ITPRIP: variants seen among roughly 807,000 people sequenced by gnomAD.
ITPRIP encodes the protein inositol 1,4,5-trisphosphate receptor interacting protein, also known as inositol 1,4,5-trisphosphate receptor-interacting protein.
In ITPRIP, 32 loss-of-function variants were observed where a neutral mutation model predicts 35.8. The ratio of observed to expected loss-of-function variants is 0.89; its 90% CI spans 0.68 to 1.20. ITPRIP has a LOEUF of 1.20. ITPRIP is among the 50% of genes most tolerant of loss of function. The pLI, the probability that ITPRIP is intolerant of heterozygous loss-of-function variation, is 0.00. For missense variants in ITPRIP, 653 were observed against 735.6 expected (o/e 0.89, Z 1.30); for synonymous variants, 358 against 324.0 (o/e 1.11, Z -1.13).
chr10:104,325,151 C>T (rs1383533629), intron 1 of ITPRIP, among the ~76,000 whole-genome samples: 2 of 152,152 alleles, frequency 1.3e-5, no homozygotes, highest in Non-Finnish European at 2.9e-5. Context: ...GCCCGGGAGG[C>T]GGAGGTCACA....
intron 1 of ITPRIP, among the ~76,000 whole-genome samples, chr10:104,320,500 T>C (rs2013817280): frequency 6.6e-6 from 1 of 152,006 alleles, no homozygotes; most frequent in Non-Finnish European, 1.5e-5. Context: ...AACTAACATA[T>C]TCCTTACACA....
Position 104,312,506 on chromosome 10 carries a change from A to G in ITPRIP, c.*1902T>C. On this transcript the variant is annotated 3_prime_UTR_variant, in exon 2 of 2. Transcript: ENST00000337478. The stretch of plus-strand genomic sequence containing the variant: ...TGCATCTGATGGAATGAGGAGGGTC[A>G]GGCTGTGAGGGATTGGGGGTAGCTC... The G allele has an allele frequency of 2.5e-6, 1 of 407,980 alleles. No individual in the cohort carries two copies. Among genetic ancestry groups the G allele is most frequent in the Non-Finnish European group, 3.3e-6 (1 of 301,768 alleles). The allele number at this position is 407,980 out of a possible 1,614,324, so 25.3% of individuals were successfully genotyped here.
chr10:104,315,122 T>G lies in ITPRIP; in HGVS notation c.930A>C (p.Arg310Ser), dbSNP rs765875648. 6.2e-7 allele frequency: 1 copy of G among 1,614,060 alleles called. No homozygotes were observed. Among genetic ancestry groups the G allele is most frequent in the South Asian group, 1.1e-5 (1 of 91,082 alleles). The change falls in exon 2 of 2, where the codon AGA (arginine) becomes AGC (serine). Residue 310 changes from arginine to serine, a missense_variant. By Grantham distance (110) the Arg-to-Ser change is moderately radical. Coordinates refer to ENST00000337478, the MANE Select transcript of ITPRIP (RefSeq NM_001272013.2). The surrounding 1 kb of genome is among the most constrained non-coding windows in gnomAD (Gnocchi z 5.7). ...VMKWFQTALTRAWKGIAHKYE... is the reference protein window; with the variant it reads ...VMKWFQTALTSAWKGIAHKYE... ...ACTTGTGGGCGATGCCCTTCCAGGC[T>G]CTGGTGAGGGCCGTCTGGAACCACT... is the stretch of plus-strand genomic sequence containing the variant.
rs773308164 is a variant in ITPRIP, at chr10:104,315,475, C to T, written c.577G>A (p.Val193Met). 21 of 1,613,742 alleles carry T rather than the reference C, an allele frequency of 1.3e-5. No individual in the cohort carries two copies. The highest frequency in any genetic ancestry group is 4.0e-5 in the African/African-American group (3 of 74,944). Residue 193 changes from valine (V) to methionine (M), a missense_variant, in exon 2 of 2, where the codon GTG becomes ATG. Coordinates refer to ENST00000337478, the MANE Select transcript of ITPRIP (RefSeq NM_001272013.2). This position sits in a 1 kb window ranked among gnomAD's most constrained non-coding sequence, Gnocchi z 5.7. ...TGCCAGTTCTCGTACATGCTGTCCA[C>T]GCCAATGAAGTCCTCCACCTCCATG... is the stretch of plus-strand genomic sequence containing the variant. Reference protein sequence around the residue: ...TDMEVEDFIGVDSMYENWQVD... With the variant: ...TDMEVEDFIGMDSMYENWQVD...
At position 104,313,700 on chromosome 10, in the gene ITPRIP, G is replaced by A. The variant is rs2013548594; in HGVS notation, c.*708C>T. ...GGACAGCAGAAGGGGGTGCACCTGAGTGAGAAGTGTAGGGTGCAGCTGAGT... is the reference window on the plus strand; with the variant it reads ...GGACAGCAGAAGGGGGTGCACCTGAATGAGAAGTGTAGGGTGCAGCTGAGT... On this transcript the variant is annotated 3_prime_UTR_variant, in exon 2 of 2. Transcript: ENST00000337478. The A allele has an allele frequency of 1.0e-6, 1 of 985,330 alleles. No individual in the cohort carries two copies. 61.0% of individuals were successfully genotyped at this position (985,330 alleles called of 1,614,324 possible).
intron 1 of ITPRIP, among the ~76,000 whole-genome samples, chr10:104,329,089 ACACT>A (rs1183452740): frequency 6.6e-6 from 1 of 151,858 alleles, no homozygotes; most frequent in Non-Finnish European, 1.5e-5. Context: ...ACGCACACAC[ACACT>A]CTCCCTGCAA....
In ITPRIP at chr10:104,325,713, C is replaced by T. The variant is rs562904709; in HGVS notation, c.-13-9649G>A. 5.5e-4 allele frequency among the ~76,000 whole-genome samples: 84 copies of T among 152,330 alleles called. 5 individuals are homozygous for T. The South Asian group carries it at 0.017, about 31-fold the overall frequency. On this transcript the variant is annotated intron_variant, in intron 1 of 1. Coordinates refer to ENST00000337478, the MANE Select transcript of ITPRIP (RefSeq NM_001272013.2). The stretch of plus-strand genomic sequence containing the variant: ...TTCGAGTGGGTGGAACCGGGCACCC[C>T]GAGTCCAGCCAGCGTGTGCACACGC...
chr10:104,316,096 G>C (rs1229376952), intron 1 of ITPRIP, 32 bp from the exon 2 acceptor site: 1 of 1,502,224 alleles, frequency 6.7e-7, no homozygotes, highest in East Asian at 2.3e-5. Flanking sequence ...GTCACACCAA[G>C]CTTCCCTCAA....
chr10:104,337,093 C>A (rs1249195674), intron 1 of ITPRIP, among the ~76,000 whole-genome samples: 5 of 152,140 alleles, frequency 3.3e-5, no homozygotes, highest in African/African-American at 9.7e-5. Context: ...GGAGGGAGGA[C>A]TCAAAAACAC....
chr10:104,334,977 G>C (rs1002536394), intron 1 of ITPRIP, among the ~76,000 whole-genome samples: 1 of 152,216 alleles, frequency 6.6e-6, no homozygotes, highest in African/African-American at 2.4e-5. Context: ...GGGTGAATCA[G>C]TAGCTTGAGT....
chr10:104,336,427 C>CA (rs2014233997), intron 1 of ITPRIP, among the ~76,000 whole-genome samples: 1 of 149,530 alleles, frequency 6.7e-6, no homozygotes, highest in African/African-American at 2.5e-5. Context: ...GGCAGACTCT[C>CA]AACTCGAAAC....
At chr10:104,322,188 T>C (rs276228) in intron 1 of ITPRIP, among the ~76,000 whole-genome samples, 16,604 of 152,064 alleles carry the variant, frequency 0.11, 2,002 homozygotes, top group African/African-American at 0.3. Flanking sequence ...AGTGTGCAAC[T>C]CCTTGGCTCC....
rs906412278 is a variant in ITPRIP at position 104,310,516 on chromosome 10, T to A, written c.*3892A>T. The A allele has an allele frequency of 6.6e-6, 1 of 152,162 alleles. No homozygotes were observed. Among genetic ancestry groups the A allele is most frequent in the Non-Finnish European group, 1.5e-5 (1 of 68,024 alleles). The allele number at this position is 152,162 out of a possible 1,614,324, so 9.4% of individuals were successfully genotyped here. ...TATATGCCAACATGTACACCAGGAC[T>A]GCCTGGGTTGGAATCTGGGCTGTGC... is the stretch of plus-strand genomic sequence containing the variant. On this transcript the variant is annotated 3_prime_UTR_variant, in exon 2 of 2. Transcript: ENST00000337478.
intron 1 of ITPRIP, among the ~76,000 whole-genome samples, chr10:104,332,452 G>A (rs2014167290): frequency 6.6e-6 from 1 of 152,156 alleles, no homozygotes; most frequent in South Asian, 2.1e-4. Context: ...TCAAGTGGAA[G>A]GACAAGGCGA....
rs1312557752 is a variant in ITPRIP, at chr10:104,312,068, C to T, written c.*2340G>A. On this transcript the variant is annotated 3_prime_UTR_variant, in exon 2 of 2. Transcript: ENST00000337478. ...CTTTGTCAATAGGAAATCCACCCCC[C>T]TGTCCCCAACTCTGCCCTGGGAGCC... The T allele has an allele frequency of 2.0e-5, 3 of 152,208 alleles. No individual in the cohort carries two copies. The highest frequency in any genetic ancestry group is 7.2e-5 in the African/African-American group (3 of 41,464). 9.4% of individuals were successfully genotyped at this position (152,208 alleles called of 1,614,324 possible). A position where few individuals can be genotyped will look rare whatever the true frequency, so the allele number is the denominator to read the frequency against.
intron 1 of ITPRIP, among the ~76,000 whole-genome samples, chr10:104,324,771 C>G (rs1158889656): frequency 6.6e-6 from 1 of 152,238 alleles, no homozygotes; most frequent in African/African-American, 2.4e-5. Context: ...ATGGCACATG[C>G]TTCGTCTGAA....
At position 104,315,433 on chromosome 10, in the gene ITPRIP, G is replaced by A; in HGVS notation, c.619C>T (p.Leu207=). 1 of 1,604,016 alleles carries A rather than the reference G, an allele frequency of 6.2e-7. No homozygotes were observed. Among genetic ancestry groups the A allele is most frequent in the Non-Finnish European group, 8.5e-7 (1 of 1,173,404 alleles). Residue 207 remains leucine, a synonymous_variant, in exon 2 of 2, where the codon CTG becomes TTG. Transcript: ENST00000337478. The surrounding 1 kb of genome is among the most constrained non-coding windows in gnomAD (Gnocchi z 5.7). ...YENWQVDRPL[L]CHLFVPFTPP... Reference sequence around the variant, plus strand: ...GTGAAGGGCACGAAAAGGTGGCACAGCAGTGGCCTGTCCACCTGCCAGTTC... The same window carrying A: ...GTGAAGGGCACGAAAAGGTGGCACAACAGTGGCCTGTCCACCTGCCAGTTC...
Position 104,314,238 on chromosome 10 carries a change from T to G in ITPRIP, c.*170A>C. ...TGGTATGAAGCAAACCAGCTTCCCG[T>G]TGAAATTCTGTTTCCTCTGCACTGT... On this transcript the variant is annotated 3_prime_UTR_variant, in exon 2 of 2. Transcript: ENST00000337478. 7.0e-7 allele frequency: 1 copy of G among 1,430,968 alleles called. No individual in the cohort carries two copies. Among genetic ancestry groups the G allele is most frequent in the Non-Finnish European group, 9.1e-7 (1 of 1,095,034 alleles). 88.6% of individuals were successfully genotyped at this position (1,430,968 alleles called of 1,614,324 possible).
intron 1 of ITPRIP, among the ~76,000 whole-genome samples, chr10:104,324,473 C>T (rs962107509): frequency 3.3e-5 from 5 of 152,112 alleles, no homozygotes; most frequent in Admixed American, 1.3e-4. Flanking sequence ...GGAAAGGGTG[C>T]GTTTGCGGCT....
Sources: gnomAD v4.1 joint callset for allele counts (sites outside exome capture counted in the v4.1 genomes callset) on GRCh38, gnomAD v4.1.1 for gene constraint, Gnocchi (gnomAD v3.1) non-coding constraint, MANE v1.5 for transcripts, NCBI Gene and HGNC (gene_info 2026-07-23, HGNC 2026-07-21) for gene names.